Variants in PARD3B observed in about 807,000 individuals in gnomAD.
PARD3B encodes the protein par-3 family cell polarity regulator beta, also known as partitioning defective 3 homolog B.
In PARD3B, 103 loss-of-function variants were observed where a neutral mutation model predicts 130.2. That is an observed-to-expected ratio of 0.79 (90% CI 0.67 to 0.93). PARD3B has a LOEUF of 0.93. Ranked by LOEUF, PARD3B falls within the 40% of genes least tolerant of loss-of-function variation. PARD3B has a pLI of 0.00. For missense variants in PARD3B, 1,609 were observed against 1,499.2 expected, an observed-to-expected ratio of 1.07 and a Z score of -1.21; for synonymous variants, 583 against 553.2, an observed-to-expected ratio of 1.05 and a Z score of -0.76.
At chr2:204,759,652 G>A (rs1298241525) in intron 2 of PARD3B, among the ~76,000 whole-genome samples, 4 of 152,014 alleles carry the variant, frequency 2.6e-5, no homozygotes, top group Non-Finnish European at 4.4e-5. Context: ...TTCTGTAAAT[G>A]TATAAATTAC....
At chr2:205,248,843 G>A (rs2039698615) in intron 16 of PARD3B, among the ~76,000 whole-genome samples, 1 of 151,620 alleles carries the variant, frequency 6.6e-6, no homozygotes, top group Non-Finnish European at 1.5e-5. Flanking sequence ...TCCTGACCTT[G>A]TGATCCGCCC....
Position 204,569,110 on chromosome 2 carries a change from G to A in PARD3B, c.120+22991G>A, listed in dbSNP as rs549103622. ...CAGCCATCTACTGAATATTGGGAGT[G>A]TGGTGCTGAACCGCAGCCTCACCTG... On this transcript the variant is annotated intron_variant, in intron 1 of 22. Coordinates refer to ENST00000406610, the MANE Select transcript of PARD3B (RefSeq NM_001302769.2). 1.4e-4 allele frequency among the ~76,000 whole-genome samples: 22 copies of A among 152,254 alleles called. No homozygotes were observed. The South Asian group carries it at 3.7e-3, about 26-fold the overall frequency.
chr2:204,707,001 G>GT (rs2038196899), intron 2 of PARD3B, among the ~76,000 whole-genome samples: 1 of 152,214 alleles, frequency 6.6e-6, no homozygotes, highest in South Asian at 2.1e-4. Context: ...TGCATGGCCT[G>GT]TTTTTGTTTG....
At chr2:204,712,210 G>A (rs1332303470) in intron 2 of PARD3B, among the ~76,000 whole-genome samples, 2 of 152,188 alleles carry the variant, frequency 1.3e-5, no homozygotes, top group Non-Finnish European at 2.9e-5. Context: ...AATGGTTTGT[G>A]TACTCTGCGA....
chr2:205,111,932 T>C (rs1288210577), intron 5 of PARD3B, among the ~76,000 whole-genome samples: 1 of 152,116 alleles, frequency 6.6e-6, no homozygotes, highest in Non-Finnish European at 1.5e-5. Flanking sequence ...TCTGTTAGTA[T>C]ATAAAACGTA....
intron 1 of PARD3B, among the ~76,000 whole-genome samples, chr2:204,572,375 A>G (rs1329210415): frequency 6.6e-6 from 1 of 152,094 alleles, no homozygotes. Context: ...ATTATTGCAG[A>G]AAAGTGGGGG....
chr2:204,715,976 A>G (rs2038701844), intron 2 of PARD3B, among the ~76,000 whole-genome samples: 1 of 152,162 alleles, frequency 6.6e-6, no homozygotes, highest in Admixed American at 6.5e-5. Context: ...GATGTACTCA[A>G]ATAAGACCAT....
chr2:204,950,196 GC>G (rs993328033), intron 2 of PARD3B, among the ~76,000 whole-genome samples: 4 of 152,024 alleles, frequency 2.6e-5, no homozygotes, highest in South Asian at 2.1e-4. Context: ...AACCTAACCT[GC>G]CCCCCTCCCC....
chr2:204,740,756 C>T (rs1377728317), intron 2 of PARD3B, among the ~76,000 whole-genome samples: 2 of 152,154 alleles, frequency 1.3e-5, no homozygotes, highest in African/African-American at 4.8e-5. Context: ...ATGGTGACAC[C>T]AGGGTGCACA....
At chr2:204,969,545 G>A (rs1436502252) in intron 3 of PARD3B, among the ~76,000 whole-genome samples, 2 of 152,156 alleles carry the variant, frequency 1.3e-5, no homozygotes, top group African/African-American at 4.8e-5. Context: ...TAGCAATTGT[G>A]TAGGTAATCG....
intron 2 of PARD3B, among the ~76,000 whole-genome samples, chr2:204,793,211 C>T (rs544444183): frequency 1.3e-5 from 2 of 152,184 alleles, no homozygotes; most frequent in South Asian, 2.1e-4. Context: ...ACAAAGTTTT[C>T]GTTTCATCCA....
chr2:205,158,701 T>G lies in PARD3B; in HGVS notation c.1435-21T>G. ...ATCTGCTTTCTTCTCTTCACTCTTT[T>G]CATGTGTATTCCCCTAACAGAAAGG... is the stretch of plus-strand genomic sequence containing the variant. On this transcript the variant is annotated intron_variant, in intron 10 of 22. Coordinates refer to ENST00000406610, the MANE Select transcript of PARD3B (RefSeq NM_001302769.2). This position sits in a 1 kb window ranked among gnomAD's most constrained non-coding sequence, Gnocchi z 5.4. 6.3e-7 allele frequency: 1 copy of G among 1,588,940 alleles called. No individual in the cohort carries two copies. The highest frequency in any genetic ancestry group is 1.1e-5 in the South Asian group (1 of 89,458).
intron 2 of PARD3B, among the ~76,000 whole-genome samples, chr2:204,785,193 C>G (rs2041964204): frequency 6.6e-6 from 1 of 152,170 alleles, no homozygotes; most frequent in South Asian, 2.1e-4. Flanking sequence ...CAGTTTTTAA[C>G]TAATGAATTT....
At chr2:205,313,442 G>A (rs1052878741) in intron 18 of PARD3B, among the ~76,000 whole-genome samples, 1 of 152,298 alleles carries the variant, frequency 6.6e-6, no homozygotes, top group South Asian at 2.1e-4. Flanking sequence ...AAATGTACAG[G>A]AACCTTGTTT....
rs1167028273 is a variant in PARD3B at position 205,148,278 on chromosome 2, A to G, written c.1435-10444A>G. On this transcript the variant is annotated intron_variant, in intron 10 of 22. Coordinates refer to ENST00000406610, the MANE Select transcript of PARD3B (RefSeq NM_001302769.2). ...AGTAGTAAGGGAAATGTCCTTTACT[A>G]TTTAGTATAATAAAAATGATCCTCC... Among the ~76,000 whole-genome samples, 3 of 152,252 alleles carry G rather than the reference A, an allele frequency of 2.0e-5. No homozygotes were observed. In the South Asian group the frequency reaches 6.2e-4, roughly 32 times the overall value.
intron 2 of PARD3B, among the ~76,000 whole-genome samples, chr2:204,802,263 C>T (rs924047556): frequency 3.2e-4 from 48 of 152,240 alleles, no homozygotes; most frequent in African/African-American, 1.1e-3. Context: ...ATGGTCATTA[C>T]AGAAATGCGA....
At chr2:205,089,853 T>C (rs1364179465) in intron 4 of PARD3B, among the ~76,000 whole-genome samples, 3 of 152,242 alleles carry the variant, frequency 2.0e-5, no homozygotes, top group Non-Finnish European at 4.4e-5. Flanking sequence ...ATTTGCTCCT[T>C]TCTCAGAGGA....
chr2:205,112,920 G>C (rs1452139499), intron 5 of PARD3B, among the ~76,000 whole-genome samples: 1 of 152,166 alleles, frequency 6.6e-6, no homozygotes, highest in African/African-American at 2.4e-5. Context: ...GAATAGAACT[G>C]ATGCCCTATT....
At chr2:204,616,519 G>A (rs1239982319) in intron 1 of PARD3B, among the ~76,000 whole-genome samples, 1 of 152,148 alleles carries the variant, frequency 6.6e-6, no homozygotes. Context: ...TTACTGGTGG[G>A]AACGCAAAAT....
Sources: allele counts gnomAD v4.1 joint callset (sites outside exome capture counted in the v4.1 genomes callset), GRCh38; gene constraint gnomAD v4.1.1; non-coding constraint Gnocchi (gnomAD v3.1); transcripts MANE v1.5; gene names NCBI Gene and HGNC (gene_info 2026-07-23, HGNC 2026-07-21).